The following RGS6 variants were observed in gnomAD, a reference collection of about 807,000 sequenced individuals.
RGS6 encodes the protein regulator of G-protein signaling 6.
In RGS6, 30 loss-of-function variants were observed where a neutral mutation model predicts 78.5. That is an observed-to-expected ratio of 0.38 (90% CI 0.29 to 0.52). The LOEUF is 0.52. RGS6 is among the 20% of genes least tolerant of loss of function. RGS6 has a pLI of 0.85. For synonymous variants in RGS6, 206 were observed against 206.0 expected (o/e 1.00, Z 0.00); for missense variants, 495 against 609.7 (o/e 0.81, Z 1.98).
chr14:72,514,087 C>T (rs578054375), intron 14 of RGS6: 3 of 152,318 alleles, frequency 2.0e-5, no homozygotes, highest in Non-Finnish European at 2.9e-5. Flanking sequence ...GACACCACAA[C>T]CATCTGCAGT....
chr14:72,051,360 G>A (rs976175403), intron 2 of RGS6, among the ~76,000 whole-genome samples: 10 of 152,124 alleles, frequency 6.6e-5, no homozygotes, highest in African/African-American at 2.2e-4. Context: ...TGTAATGGTA[G>A]GGGTTAGAAT....
At chr14:72,537,840 A>G in intron 16 of RGS6, 1 of 325,708 alleles carries the variant, frequency 3.1e-6, no homozygotes, top group Non-Finnish European at 5.5e-6. Context: ...AAGAGAAGCT[A>G]GAGGCCATTG....
chr14:72,475,214 T>C (rs2096208712), intron 10 of RGS6, among the ~76,000 whole-genome samples: 1 of 149,286 alleles, frequency 6.7e-6, no homozygotes, highest in African/African-American at 2.5e-5. Context: ...TTTTTTTTTT[T>C]TTTTTTTTGG....
chr14:72,393,825 C>G (rs2090552898), intron 3 of RGS6, among the ~76,000 whole-genome samples: 1 of 152,174 alleles, frequency 6.6e-6, no homozygotes, highest in Admixed American at 6.5e-5. Context: ...AGACGAGTCT[C>G]AGAATGCATT....
chr14:72,016,857 T>G (rs2087116371), intron 2 of RGS6, among the ~76,000 whole-genome samples: 1 of 152,258 alleles, frequency 6.6e-6, no homozygotes, highest in South Asian at 2.1e-4. Flanking sequence ...TTGGAATTAC[T>G]CAGATGGTTT....
At chr14:72,477,164 C>T in intron 11 of RGS6, 1 of 275,642 alleles carries the variant, frequency 3.6e-6, no homozygotes, top group South Asian at 5.6e-5. Flanking sequence ...GTCACACAGT[C>T]CTTATAATTG....
chr14:72,371,146 C>A (rs2083433100), intron 3 of RGS6, among the ~76,000 whole-genome samples: 1 of 152,152 alleles, frequency 6.6e-6, no homozygotes, highest in African/African-American at 2.4e-5. Context: ...TGTAACTTCA[C>A]TGTAACATGT....
At chr14:72,019,016 G>A (rs545040448) in intron 2 of RGS6, among the ~76,000 whole-genome samples, 1 of 152,152 alleles carries the variant, frequency 6.6e-6, no homozygotes, top group South Asian at 2.1e-4. Context: ...TTTCAATATT[G>A]AAAAGATAAA....
At chr14:72,423,289 C>T (rs1035751095) in intron 3 of RGS6, among the ~76,000 whole-genome samples, 9 of 152,128 alleles carry the variant, frequency 5.9e-5, no homozygotes, top group African/African-American at 1.7e-4. Context: ...CCATATGTCC[C>T]CCCACCCCAT....
Position 72,470,069 on chromosome 14 carries a change from A to G in RGS6, c.522A>G (p.Ala174=), listed in dbSNP as rs1254633218. 1 of 1,612,722 alleles carries G rather than the reference A, an allele frequency of 6.2e-7. No individual in the cohort carries two copies. ...ARKWEFIFMQ[A]EAQVKIDRKK... ...AGTGGGAATTCATCTTTATGCAAGC[A>G]GAAGCACAAGTAAAGTAGGTGAACT... is the stretch of plus-strand genomic sequence containing the variant. Residue 174 remains alanine, a synonymous_variant, in exon 8 of 18, where the codon GCA becomes GCG. Coordinates refer to ENST00000553525, the MANE Select transcript of RGS6 (RefSeq NM_001204424.2).
chr14:72,435,847 C>T (rs1441814285), intron 3 of RGS6, among the ~76,000 whole-genome samples: 1 of 150,656 alleles, frequency 6.6e-6, no homozygotes, highest in Non-Finnish European at 1.5e-5. Flanking sequence ...ATAGAACCCA[C>T]ATGGATAATC....
At chr14:71,984,050 C>G (rs1486458482) in intron 2 of RGS6, among the ~76,000 whole-genome samples, 1 of 152,074 alleles carries the variant, frequency 6.6e-6, no homozygotes, top group Admixed American at 6.5e-5. Flanking sequence ...ATGCAGAACT[C>G]AGGAGGAAAA....
At chr14:72,240,170 G>A (rs961070396) in intron 2 of RGS6, among the ~76,000 whole-genome samples, 1 of 152,138 alleles carries the variant, frequency 6.6e-6, no homozygotes, top group Non-Finnish European at 1.5e-5. Flanking sequence ...CCAGACTCTT[G>A]AGTTTTCAGT....
chr14:72,540,453 T>C, intron 17 of RGS6: 1 of 1,496,772 alleles, frequency 6.7e-7, no homozygotes. Flanking sequence ...CATCGAACTA[T>C]ACCGTGAAAT....
intron 12 of RGS6, among the ~76,000 whole-genome samples, chr14:72,488,784 T>A (rs1351832092): frequency 6.6e-6 from 1 of 152,120 alleles, no homozygotes; most frequent in Non-Finnish European, 1.5e-5. Flanking sequence ...CAGGGCTCCA[T>A]ATGGGGACTT....
chr14:72,425,932 G>A (rs1323930090), intron 3 of RGS6, among the ~76,000 whole-genome samples: 1 of 152,168 alleles, frequency 6.6e-6, no homozygotes, highest in Non-Finnish European at 1.5e-5. Flanking sequence ...TAAAAATGAA[G>A]AAGGTAGGGA....
rs72719850 is a variant in RGS6, at chr14:72,146,550, A to G, written c.84+181675A>G. ...GCCTGTGAAATTAAACAATTTATCT[A>G]TTTTTGATACAATGGTGAGACAGGC... On this transcript the variant is annotated intron_variant, in intron 2 of 17. Transcript: ENST00000553525. Among the ~76,000 whole-genome samples the G allele has an allele frequency of 7.7e-3, 1,172 of 152,232 alleles. 9 individuals carry two copies. The highest frequency in any genetic ancestry group is 0.013 in the Non-Finnish European group (862 of 68,012).
the RGS6 span, among the ~76,000 whole-genome samples, chr14:72,627,327 G>A: frequency 6.6e-6 from 1 of 152,064 alleles, no homozygotes; most frequent in Non-Finnish European, 1.5e-5. Flanking sequence ...TTATTTTTAT[G>A]TATGGTGTAA....
chr14:72,562,248 A>G (rs374138295), intron 17 of RGS6, among the ~76,000 whole-genome samples, 169 bp from the exon 18 acceptor site: 82 of 152,306 alleles, frequency 5.4e-4, no homozygotes, highest in African/African-American at 1.9e-3. Flanking sequence ...AGCTGTCCAA[A>G]GTTAAGGCTC....
Sources: allele counts gnomAD v4.1 joint callset (sites outside exome capture counted in the v4.1 genomes callset), GRCh38; gene constraint gnomAD v4.1.1; transcripts MANE v1.5; gene names NCBI Gene and HGNC (gene_info 2026-07-23, HGNC 2026-07-21).